Variants in COL16A1 observed in about 807,000 individuals in gnomAD.
The protein encoded by COL16A1 is collagen alpha-1(XVI) chain.
A neutral mutation model predicts 266.3 loss-of-function variants in COL16A1; 189 were observed. That is an observed-to-expected ratio of 0.71 (90% CI 0.63 to 0.80). COL16A1 has a LOEUF of 0.80. Among genes scored for constraint, COL16A1 ranks in the 30% least tolerant of loss-of-function variants. The probability of loss-of-function intolerance (pLI) is 0.00; values close to 1 mark genes in which losing one functional copy is unlikely to be tolerated. For synonymous variants in COL16A1, 740 were observed against 782.3 expected (o/e 0.95, Z 0.90); for missense variants, 1,928 against 2,122.4 (o/e 0.91, Z 1.80).
Position 31,684,015 on chromosome 1 carries a change from A to G in COL16A1, c.2284-12T>C, listed in dbSNP as rs775191732. ...AGACCGGGTTGGCCCTAAAAGGCAT[A>G]AGGTGGCCCATGGAGTCCCCACAGG... On this transcript the variant is annotated splice_polypyrimidine_tract_variant and intron_variant, in intron 32 of 70. Transcript: ENST00000373672. 6.2e-7 allele frequency: 1 copy of G among 1,614,212 alleles called. No individual in the cohort carries two copies. The highest frequency in any genetic ancestry group is 8.5e-7 in the Non-Finnish European group (1 of 1,180,026).
In COL16A1 at chr1:31,692,463, A is replaced by G; in HGVS notation, c.1194+11T>C. On this transcript the variant is annotated intron_variant, in intron 16 of 70. Transcript: ENST00000373672. ...CCCTGGAAATCCCCCCTCCAAATCC[A>G]GGCTTGTTACCTTCTCGCCTGTTGA... 7 of 1,609,504 alleles carry G rather than the reference A, an allele frequency of 4.3e-6. No individual in the cohort carries two copies. The highest frequency in any genetic ancestry group is 5.9e-6 in the Non-Finnish European group (7 of 1,176,834).
chr1:31,664,791 CT>C lies in COL16A1; in HGVS notation c.3555+380del, dbSNP rs1182923106. Reference sequence around the variant, plus strand: ...CCTTCAGGACGTGCTTCCCCCTTCTCTCAGCTCCTCGCTCATCCTCCCGCCC... The same window carrying C: ...CCTTCAGGACGTGCTTCCCCCTTCTCCAGCTCCTCGCTCATCCTCCCGCCC... On this transcript the variant is annotated intron_variant, in intron 56 of 70. Coordinates refer to ENST00000373672, the MANE Select transcript of COL16A1 (RefSeq NM_001856.4). The surrounding 1 kb of genome is among the most constrained non-coding windows in gnomAD (Gnocchi z 5.5). Among the ~76,000 whole-genome samples the C allele has an allele frequency of 6.6e-6, 1 of 152,160 alleles. No homozygotes were observed. Among genetic ancestry groups the C allele is most frequent in the Non-Finnish European group, 1.5e-5 (1 of 68,022 alleles).
In COL16A1 at chr1:31,692,387, C is replaced by T. The variant is rs796096485; in HGVS notation, c.1194+87G>A. On this transcript the variant is annotated intron_variant, in intron 16 of 70. Transcript: ENST00000373672. The stretch of plus-strand genomic sequence containing the variant: ...GCTCTGTGCCCACTGACACCCTCTC[C>T]TCAGAGAACCCCGACTCCTCCTTCC... 2.6e-6 allele frequency: 4 copies of T among 1,521,274 alleles called. No homozygotes were observed. In the African/African-American group the frequency reaches 4.1e-5, roughly 16 times the overall value. The allele number at this position is 1,521,274 out of a possible 1,614,324, so 94.2% of individuals were successfully genotyped here.
Position 31,657,437 on chromosome 1 carries a change from C to T in COL16A1, c.4021-369G>A, listed in dbSNP as rs1641266413. The T allele has an allele frequency of 4.3e-6, 1 of 230,116 alleles. No homozygotes were observed. Among genetic ancestry groups the T allele is most frequent in the Non-Finnish European group, 8.6e-6 (1 of 116,836 alleles). 14.3% of individuals were successfully genotyped at this position (230,116 alleles called of 1,614,324 possible). On this transcript the variant is annotated intron_variant, in intron 64 of 70. Coordinates refer to ENST00000373672, the MANE Select transcript of COL16A1 (RefSeq NM_001856.4). This position sits in a 1 kb window ranked among gnomAD's most constrained non-coding sequence, Gnocchi z 6.4. Reference sequence around the variant, plus strand: ...GCCTGAGCCGGCCCCCTCCCTGAGACCAGCAAGGCAGCCTCTCTTCTGGTG... The same window carrying T: ...GCCTGAGCCGGCCCCCTCCCTGAGATCAGCAAGGCAGCCTCTCTTCTGGTG...
rs377375082 is a variant in COL16A1 at position 31,688,490 on chromosome 1, C to G, written c.1780G>C (p.Val594Leu). 1.3e-4 allele frequency: 209 copies of G among 1,614,080 alleles called. 1 individual carries two copies. The highest frequency in any genetic ancestry group is 7.0e-4 in the Admixed American group (42 of 60,004). ...GLPGLPGRAG[V>L]PGLKGEKGNF... ...ACCTTCTCTCCTTTCAGCCCTGGAA[C>G]CCCAGCTCTACCCTGAAAAACAACC... Residue 594 changes from valine (V) to leucine (L), a missense_variant, in exon 26 of 71, where the codon GTT becomes CTT. Val to Leu is a conservative substitution (Grantham distance 32). Around this residue, in one of 2 missense-constraint regions of COL16A1, gnomAD observed 1,552 missense variants for 1,637.2 expected, o/e 0.95. Coordinates refer to ENST00000373672, the MANE Select transcript of COL16A1 (RefSeq NM_001856.4). The surrounding 1 kb of genome is among the most constrained non-coding windows in gnomAD (Gnocchi z 4.9).
At chr1:31,671,566 G>A in intron 48 of COL16A1, 49 bp downstream of exon 48, 3 of 1,612,012 alleles carry the variant, frequency 1.9e-6, no homozygotes, top group Non-Finnish European at 2.5e-6. Context: ...TGAGTGTAAT[G>A]ACCCCTTTGA....
In COL16A1 at chr1:31,695,235, G is replaced by T. The variant is rs369732535; in HGVS notation, c.946-14C>A. The stretch of plus-strand genomic sequence containing the variant: ...ACAGGGCGGACACTGAAAGGGAAGA[G>T]CAGGCGAAGAGGTCAATTCTGAGCC... On this transcript the variant is annotated splice_polypyrimidine_tract_variant and intron_variant, in intron 10 of 70. Coordinates refer to ENST00000373672, the MANE Select transcript of COL16A1 (RefSeq NM_001856.4). 5 of 1,613,780 alleles carry T rather than the reference G, an allele frequency of 3.1e-6. No individual in the cohort carries two copies. The highest frequency in any genetic ancestry group is 4.2e-6 in the Non-Finnish European group (5 of 1,179,950).
intron 8 of COL16A1, 21 bp downstream of exon 8, chr1:31,696,942 C>T: frequency 6.2e-7 from 1 of 1,613,182 alleles, no homozygotes; most frequent in Middle Eastern, 1.8e-4. Flanking sequence ...GTGCTGGCAT[C>T]CACCTGTCCT....
At chr1:31,672,331 G>A in intron 47 of COL16A1, 85 bp downstream of exon 47, 2 of 1,488,150 alleles carry the variant, frequency 1.3e-6, no homozygotes, top group Non-Finnish European at 1.8e-6. Context: ...CATCAGTCAG[G>A]TGAGGCCTCG....
chr1:31,683,600 G>T, intron 34 of COL16A1, 107 bp downstream of exon 34: 2 of 1,602,998 alleles, frequency 1.2e-6, no homozygotes, highest in Non-Finnish European at 1.7e-6. Flanking sequence ...ACTAAGTCCT[G>T]TGCCTCTGGG....
At chr1:31,693,407 G>C (rs1259745422) in intron 12 of COL16A1, among the ~76,000 whole-genome samples, 2 of 152,016 alleles carry the variant, frequency 1.3e-5, no homozygotes, top group Admixed American at 6.6e-5. Context: ...AAGCAGGGGG[G>C]TATCCCATCC....
intron 28 of COL16A1, 78 bp downstream of exon 28, chr1:31,686,013 G>C: frequency 6.3e-7 from 1 of 1,586,266 alleles, no homozygotes; most frequent in Non-Finnish European, 8.6e-7. Flanking sequence ...AGCCCCAGAG[G>C]GTTCGAAGTC....
chr1:31,655,653 G>C, intron 66 of COL16A1, 151 bp from the exon 67 acceptor site: 1 of 1,350,520 alleles, frequency 7.4e-7, no homozygotes, highest in South Asian at 1.4e-5. Context: ...CACTGCCCCA[G>C]AGTGGTCCTT....
intron 42 of COL16A1, among the ~76,000 whole-genome samples, chr1:31,678,347 G>A (rs1309151235): frequency 6.6e-6 from 1 of 152,208 alleles, no homozygotes; most frequent in Non-Finnish European, 1.5e-5. Flanking sequence ...TGGTGTCTAT[G>A]CCACCTAGAA....
In COL16A1 at chr1:31,670,527, G is replaced by A. The variant is rs1642569966; in HGVS notation, c.3195+75C>T. The A allele has an allele frequency of 3.4e-5, 45 of 1,318,022 alleles. No individual in the cohort carries two copies. The highest frequency in any genetic ancestry group is 4.3e-5 in the Non-Finnish European group (44 of 1,026,784). The allele number at this position is 1,318,022 out of a possible 1,614,324, so 81.6% of individuals were successfully genotyped here. On this transcript the variant is annotated intron_variant, in intron 49 of 70. Coordinates refer to ENST00000373672, the MANE Select transcript of COL16A1 (RefSeq NM_001856.4). This position sits in a 1 kb window ranked among gnomAD's most constrained non-coding sequence, Gnocchi z 4.5. ...GGAGGACGGAGGTGAAGGCACGACA[G>A]GAGGGAGACAAGCAAAAGCCACAGA...
At chr1:31,687,570 T>G (rs1644050376) in intron 26 of COL16A1, among the ~76,000 whole-genome samples, 5 of 132,928 alleles carry the variant, frequency 3.8e-5, no homozygotes, top group African/African-American at 8.7e-5. Context: ...TGGAGAGAAG[T>G]GGAGGGGGTG....
At chr1:31,661,210 TGCCC>T in intron 60 of COL16A1, 91 bp from the exon 61 acceptor site, 1 of 1,501,728 alleles carries the variant, frequency 6.7e-7, no homozygotes, top group East Asian at 2.4e-5. Context: ...CCCTGCCACC[TGCCC>T]CAGCTTTGGC....
At chr1:31,692,570 C>T in intron 15 of COL16A1, 28 bp downstream of exon 15, 1 of 1,614,092 alleles carries the variant, frequency 6.2e-7, no homozygotes, top group South Asian at 1.1e-5. Flanking sequence ...ACCCACCATC[C>T]CTGCCCTATC....
At chr1:31,689,407 C>G (rs1644151020) in intron 23 of COL16A1, 1 of 565,832 alleles carries the variant, frequency 1.8e-6, no homozygotes, top group Non-Finnish European at 3.1e-6. Context: ...GTCCTGCTCA[C>G]TCCTTTCCTC....
Sources: gnomAD v4.1 joint callset for allele counts (sites outside exome capture counted in the v4.1 genomes callset) on GRCh38, gnomAD v4.1.1 for gene constraint, gnomAD v4.1.1 regional missense constraint, Gnocchi (gnomAD v3.1) non-coding constraint, MANE v1.5 for transcripts, NCBI Gene and HGNC (gene_info 2026-07-23, HGNC 2026-07-21) for gene names.